The following TMC2 variants were observed in gnomAD, a reference collection of about 807,000 sequenced individuals.
TMC2 encodes transmembrane channel-like protein 2.
A neutral mutation model predicts 105.9 loss-of-function variants in TMC2; 102 were observed. The observed-to-expected ratio is 0.96, with a 90% CI of 0.82 to 1.14. The LOEUF is 1.14. Among genes scored for constraint, TMC2 ranks in the 50% most tolerant of loss-of-function variants. The pLI is 0.00. For missense variants in TMC2, 1,093 were observed against 1,134.3 expected (o/e 0.96, Z 0.52); for synonymous variants, 402 against 422.8 (o/e 0.95, Z 0.60).
At chr20:2,584,471 A>G (rs6106998) in intron 7 of TMC2, among the ~76,000 whole-genome samples, 10,249 of 150,898 alleles carry the variant, frequency 0.068, 1,197 homozygotes, top group African/African-American at 0.24. Context: ...GAAAAGATAT[A>G]ATGAATGAGC....
Position 2,549,802 on chromosome 20 carries a change from G to T in TMC2, c.83-8654G>T, listed in dbSNP as rs73575098. ...ACTTCTCCTTGAGAGTTTCCTCAGA[G>T]CATCTCATTCAGCAATCATTTCATT... On this transcript the variant is annotated intron_variant, in intron 2 of 19. Coordinates refer to ENST00000358864, the MANE Select transcript of TMC2 (RefSeq NM_080751.3). Among the ~76,000 whole-genome samples, 419 of 152,248 alleles carry T rather than the reference G, an allele frequency of 2.8e-3. 1 individual carries two copies. The highest frequency in any genetic ancestry group is 8.2e-3 in the African/African-American group (340 of 41,534).
chr20:2,566,044 A>T (rs544006008), intron 4 of TMC2, among the ~76,000 whole-genome samples: 41 of 152,242 alleles, frequency 2.7e-4, no homozygotes, highest in African/African-American at 9.4e-4. Flanking sequence ...TCTCCAAAAA[A>T]CATATGAAAA....
At position 2,577,959 on chromosome 20, in the gene TMC2, G is replaced by A. The variant is rs139111968; in HGVS notation, c.646-1187G>A. Among the ~76,000 whole-genome samples, 28 of 151,880 alleles carry A rather than the reference G, an allele frequency of 1.8e-4. No homozygotes were observed. In the East Asian group the frequency reaches 2.7e-3, roughly 15 times the overall value. The stretch of plus-strand genomic sequence containing the variant: ...TTTTGCCCCTTCTTTTCACAGGTGC[G>A]GACTTTAGTGACTTTACAGGGGAAT... On this transcript the variant is annotated intron_variant, in intron 5 of 19. Coordinates refer to ENST00000358864, the MANE Select transcript of TMC2 (RefSeq NM_080751.3).
At position 2,605,473 on chromosome 20, in the gene TMC2, G is replaced by GGAGAGA. The variant is rs140043829; in HGVS notation, c.1413+3185_1413+3190dup. On this transcript the variant is annotated intron_variant, in intron 11 of 19. Coordinates refer to ENST00000358864, the MANE Select transcript of TMC2 (RefSeq NM_080751.3). ...TGACCTTTCTTCTGTGCATGTGCAT[G>GGAGAGA]GAGAGAGAGAGAGAGAGATCTCTGG... Among the ~76,000 whole-genome samples the GGAGAGA allele has an allele frequency of 1.0e-3, 156 of 150,716 alleles. 4 individuals are homozygous for GGAGAGA. In the East Asian group the frequency reaches 0.026, roughly 26 times the overall value.
chr20:2,574,073 T>C (rs2086125120), intron 5 of TMC2, among the ~76,000 whole-genome samples: 1 of 152,282 alleles, frequency 6.6e-6, no homozygotes, highest in African/African-American at 2.4e-5. Flanking sequence ...CTGATGGGAG[T>C]TGATGGCTTG....
At position 2,617,095 on chromosome 20, in the gene TMC2, G is replaced by C; in HGVS notation, c.1964G>C (p.Gly655Ala). 1.2e-6 allele frequency: 2 copies of C among 1,614,196 alleles called. No individual in the cohort carries two copies. The highest frequency in any genetic ancestry group is 1.7e-6 in the Non-Finnish European group (2 of 1,180,038). ...MIWMGSFYAPGLVGINVLRLL... is the reference protein window; with the variant it reads ...MIWMGSFYAPALVGINVLRLL... ...AGGATGGGCTCCTTCTATGCTCCAGGCCTGGTGGGCATTAATGTGCTGCGC... is the reference window on the plus strand; with the variant it reads ...AGGATGGGCTCCTTCTATGCTCCAGCCCTGGTGGGCATTAATGTGCTGCGC... Residue 655 changes from glycine to alanine, a missense_variant, in exon 16 of 20, where the codon GGC becomes GCC. Physicochemically the swap from Gly to Ala is moderately conservative, Grantham distance 60. Coordinates refer to ENST00000358864, the MANE Select transcript of TMC2 (RefSeq NM_080751.3).
At chr20:2,632,739 G>A (rs1010210452) in intron 17 of TMC2, among the ~76,000 whole-genome samples, 26 of 152,002 alleles carry the variant, frequency 1.7e-4, no homozygotes, top group African/African-American at 5.1e-4. Flanking sequence ...ACAGGCGCCC[G>A]CCACTATGCC....
At chr20:2,617,662 A>G (rs2086494717) in intron 16 of TMC2, 1 of 261,416 alleles carries the variant, frequency 3.8e-6, no homozygotes, top group African/African-American at 2.3e-5. Context: ...CATGTATACA[A>G]TATATAATGA....
intron 2 of TMC2, among the ~76,000 whole-genome samples, chr20:2,552,937 CATT>C (rs1236881428): frequency 6.6e-6 from 1 of 152,178 alleles, no homozygotes; most frequent in African/African-American, 2.4e-5. Context: ...CATCCTGCAT[CATT>C]GTTACAAAAT....
At chr20:2,621,172 C>T (rs1226664510) in intron 16 of TMC2, among the ~76,000 whole-genome samples, 2 of 151,938 alleles carry the variant, frequency 1.3e-5, no homozygotes, top group Non-Finnish European at 2.9e-5. Flanking sequence ...ACCAGCCTGG[C>T]CAACATGGTG....
rs541197411 is a variant in TMC2 at position 2,643,480 on chromosome 20, G to A, written c.*2129G>A. ...ACCAACCATCCTGATCTGATGAAGTGTAATTTTATGTGACGGAATGTATAT... is the reference window on the plus strand; with the variant it reads ...ACCAACCATCCTGATCTGATGAAGTATAATTTTATGTGACGGAATGTATAT... On this transcript the variant is annotated 3_prime_UTR_variant, in exon 20 of 20. Coordinates refer to ENST00000358864, the MANE Select transcript of TMC2 (RefSeq NM_080751.3). Among the ~76,000 whole-genome samples the A allele has an allele frequency of 1.3e-5, 2 of 152,330 alleles. No homozygotes were observed. The highest frequency in any genetic ancestry group is 2.1e-4 in the South Asian group (1 of 4,824).
At chr20:2,557,303 T>C (rs906637350) in intron 2 of TMC2, among the ~76,000 whole-genome samples, 10 of 152,180 alleles carry the variant, frequency 6.6e-5, no homozygotes, top group African/African-American at 2.4e-4. Context: ...GTTTGGGAAG[T>C]TTCTATTGAC....
At position 2,602,207 on chromosome 20, in the gene TMC2, G is replaced by C. The variant is rs143988706; in HGVS notation, c.1319G>C (p.Cys440Ser). The change falls in exon 11 of 20, where the codon TGT becomes TCT. Residue 440 changes from cysteine (C) to serine (S), a missense_variant. By Grantham distance (112) the Cys-to-Ser change is moderately radical. Coordinates refer to ENST00000358864, the MANE Select transcript of TMC2 (RefSeq NM_080751.3). ...CTGGCCAACTTTCTCATCATCTGCTGTTTGTGTGGAAGTGGGTACCTCATT... is the reference window on the plus strand; with the variant it reads ...CTGGCCAACTTTCTCATCATCTGCTCTTTGTGTGGAAGTGGGTACCTCATT... ...RVLANFLIIC[C>S]LCGSGYLIYF... 239 of 1,613,670 alleles carry C rather than the reference G, an allele frequency of 1.5e-4. 1 individual carries two copies. The East Asian group carries it at 5.1e-3, about 34-fold the overall frequency.
At chr20:2,568,494 G>GA (rs945932152) in intron 4 of TMC2, among the ~76,000 whole-genome samples, 1 of 152,150 alleles carries the variant, frequency 6.6e-6, no homozygotes, top group Admixed American at 6.5e-5. Flanking sequence ...CACAGAGTCT[G>GA]AACAGAGAGA....
At chr20:2,611,664 A>G (rs554520819) in intron 12 of TMC2, among the ~76,000 whole-genome samples, 1 of 152,144 alleles carries the variant, frequency 6.6e-6, no homozygotes, top group South Asian at 2.1e-4. Flanking sequence ...CATCTCCATC[A>G]TTTACTAGAC....
chr20:2,575,118 G>A (rs1228769211), intron 5 of TMC2, among the ~76,000 whole-genome samples: 1 of 152,124 alleles, frequency 6.6e-6, no homozygotes, highest in African/African-American at 2.4e-5. Context: ...ATTTTGTCTA[G>A]AGACTATTTA....
At chr20:2,536,994 G>C (rs1040630294) in intron 1 of TMC2, among the ~76,000 whole-genome samples, 14 of 152,194 alleles carry the variant, frequency 9.2e-5, no homozygotes, top group African/African-American at 3.4e-4. Context: ...GTCTCGGTTA[G>C]GGTTGCCTGT....
intron 16 of TMC2, among the ~76,000 whole-genome samples, chr20:2,619,936 A>T (rs1335057579): frequency 6.6e-6 from 1 of 152,124 alleles, no homozygotes; most frequent in Non-Finnish European, 1.5e-5. Flanking sequence ...TTGGCTAGCC[A>T]GGCATGGTGG....
In TMC2 at chr20:2,621,276, C is replaced by T. The variant is rs185511414; in HGVS notation, c.2181-2995C>T. Among the ~76,000 whole-genome samples the T allele has an allele frequency of 7.9e-5, 12 of 151,594 alleles. No homozygotes were observed. In the East Asian group the frequency reaches 1.9e-3, roughly 25 times the overall value. On this transcript the variant is annotated intron_variant, in intron 16 of 19. Transcript: ENST00000358864. ...ACTCGGGAGGCTGAGGCAGGAGAAT[C>T]GCTTGAACCCGGGAGGTGGAGGTTG...
Sources: gnomAD v4.1 joint callset for allele counts (sites outside exome capture counted in the v4.1 genomes callset) on GRCh38, gnomAD v4.1.1 for gene constraint, MANE v1.5 for transcripts, NCBI Gene and HGNC (gene_info 2026-07-23, HGNC 2026-07-21) for gene names.